The following TTBK2 variants were observed in gnomAD, a reference collection of about 807,000 sequenced individuals.
TTBK2 encodes the protein tau tubulin kinase 2.
In TTBK2, 28 loss-of-function variants were observed where a neutral mutation model predicts 110.8. The ratio of observed to expected loss-of-function variants is 0.25; its 90% confidence interval spans 0.19 to 0.35. The LOEUF is 0.35. TTBK2 is among the 10% of genes least tolerant of loss of function. The pLI is 1.00. For missense variants in TTBK2, 1,369 were observed against 1,500.3 expected, an observed-to-expected ratio of 0.91 and a Z score of 1.45; for synonymous variants, 532 against 527.3, an observed-to-expected ratio of 1.01 and a Z score of -0.12.
intron 4 of TTBK2, among the ~76,000 whole-genome samples, chr15:42,831,915 A>G (rs979567075): frequency 1.3e-5 from 2 of 152,214 alleles, no homozygotes; most frequent in African/African-American, 2.4e-5. Context: ...TCTAAAGACA[A>G]TTGATTCACT....
At chr15:42,807,829 A>G (rs906471330) in intron 9 of TTBK2, among the ~76,000 whole-genome samples, 1 of 152,164 alleles carries the variant, frequency 6.6e-6, no homozygotes, top group Non-Finnish European at 1.5e-5. Context: ...TATAATTCTG[A>G]TATCTTCACA....
chr15:42,882,124 A>C (rs1895073467), intron 1 of TTBK2, among the ~76,000 whole-genome samples: 1 of 152,086 alleles, frequency 6.6e-6, no homozygotes, highest in African/African-American at 2.4e-5. Flanking sequence ...GTAACAGTTT[A>C]GGACAGAAAA....
At chr15:42,805,412 C>G (rs1216665052) in intron 9 of TTBK2, among the ~76,000 whole-genome samples, 2 of 152,146 alleles carry the variant, frequency 1.3e-5, no homozygotes, top group East Asian at 3.9e-4. Context: ...TGCGGAGAAA[C>G]TGACATCTGA....
At chr15:42,750,050 C>T (rs1446312699) in intron 14 of TTBK2, among the ~76,000 whole-genome samples, 1 of 152,142 alleles carries the variant, frequency 6.6e-6, no homozygotes, top group East Asian at 1.9e-4. Flanking sequence ...TATTCCACTG[C>T]ACTCCAGCCT....
chr15:42,818,818 C>T (rs1338864586), intron 6 of TTBK2, among the ~76,000 whole-genome samples: 1 of 145,766 alleles, frequency 6.9e-6, no homozygotes, highest in Non-Finnish European at 1.5e-5. Flanking sequence ...AACGGAGTCT[C>T]GCTCTGTCAA....
At chr15:42,800,531 AACTC>A (rs1172883163) in intron 9 of TTBK2, among the ~76,000 whole-genome samples, 4 of 152,242 alleles carry the variant, frequency 2.6e-5, no homozygotes, top group Non-Finnish European at 4.4e-5. Flanking sequence ...TGATATTAAG[AACTC>A]ACTAAGAATC....
chr15:42,818,448 G>C (rs748837539), intron 6 of TTBK2, among the ~76,000 whole-genome samples: 11 of 152,124 alleles, frequency 7.2e-5, no homozygotes, highest in Non-Finnish European at 1.5e-4. Flanking sequence ...GGCCAGGCGT[G>C]GTGGCTCACG....
intron 14 of TTBK2, among the ~76,000 whole-genome samples, chr15:42,750,279 A>G (rs1276085024): frequency 6.6e-6 from 1 of 152,196 alleles, no homozygotes; most frequent in African/African-American, 2.4e-5. Flanking sequence ...GTACCTGAAA[A>G]AGACCTGATA....
intron 3 of TTBK2, among the ~76,000 whole-genome samples, chr15:42,856,427 G>A (rs951095467): frequency 2.0e-5 from 3 of 152,162 alleles, no homozygotes; most frequent in Non-Finnish European, 4.4e-5. Flanking sequence ...AACAAACTGT[G>A]ACATGGCAAC....
chr15:42,803,124 T>A (rs1302143122), intron 9 of TTBK2, among the ~76,000 whole-genome samples: 1 of 152,224 alleles, frequency 6.6e-6, no homozygotes, highest in Non-Finnish European at 1.5e-5. Context: ...CTCTATTCCA[T>A]TAGTTTTGTC....
chr15:42,809,486 T>C (rs146786198), intron 9 of TTBK2, among the ~76,000 whole-genome samples: 1 of 152,228 alleles, frequency 6.6e-6, no homozygotes. Context: ...AAGAAACTAT[T>C]AGCACTCAAG....
chr15:42,790,116 A>G (rs1179729057), intron 10 of TTBK2, among the ~76,000 whole-genome samples: 2 of 152,312 alleles, frequency 1.3e-5, no homozygotes, highest in African/African-American at 4.8e-5. Flanking sequence ...TTTACACAAT[A>G]CACAAAAATC....
intron 3 of TTBK2, among the ~76,000 whole-genome samples, chr15:42,850,298 G>A (rs185639487): frequency 4.0e-4 from 61 of 152,240 alleles, no homozygotes; most frequent in African/African-American, 8.2e-4. Context: ...GACTTCTCTC[G>A]ACGCATTTTC....
intron 1 of TTBK2, among the ~76,000 whole-genome samples, chr15:42,914,316 A>G (rs776562268): frequency 6.6e-6 from 1 of 152,118 alleles, no homozygotes; most frequent in African/African-American, 2.4e-5. Flanking sequence ...GGCCAGCCAC[A>G]GTATAATATA....
intron 10 of TTBK2, among the ~76,000 whole-genome samples, chr15:42,789,119 T>G (rs2140839582): frequency 6.6e-6 from 1 of 152,210 alleles, no homozygotes; most frequent in South Asian, 2.1e-4. Flanking sequence ...ATAAAGGTTA[T>G]TCCTTATGCT....
chr15:42,832,693 T>C (rs1340804801), intron 4 of TTBK2, among the ~76,000 whole-genome samples: 2 of 152,176 alleles, frequency 1.3e-5, no homozygotes, highest in Non-Finnish European at 1.5e-5. Flanking sequence ...TTACAGGCCA[T>C]TCTGAGTAGT....
chr15:42,759,716 A>C (rs2061997340), intron 13 of TTBK2, among the ~76,000 whole-genome samples: 1 of 152,202 alleles, frequency 6.6e-6, no homozygotes, highest in Non-Finnish European at 1.5e-5. Context: ...TCCACCTAGC[A>C]TCAAAGCAAA....
In TTBK2 at chr15:42,775,628, T is replaced by C; in HGVS notation, c.1505A>G (p.Asp502Gly). ...KPCVPAVSRT[D>G]HIWHYDEEYL... is the part of the protein sequence containing the mutation. ...TTCTTCATCATAGTGCCAGATGTGG[T>C]CAGTACGGGACACAGCAGGAACGCA... The change falls in exon 13 of 15, where the codon GAC becomes GGC. Residue 502 changes from aspartate (D) to glycine (G), a missense_variant. Asp to Gly is a moderately conservative substitution (Grantham distance 94, BLOSUM62 -1). Around this residue, in one of 4 missense-constraint regions of TTBK2, gnomAD observed 1,097 missense variants for 1,114.7 expected, o/e 0.98. Transcript: ENST00000267890. 1 of 1,613,908 alleles carries C rather than the reference T, an allele frequency of 6.2e-7. No homozygotes were observed. Among genetic ancestry groups the C allele is most frequent in the Non-Finnish European group, 8.5e-7 (1 of 1,179,870 alleles).
intron 3 of TTBK2, among the ~76,000 whole-genome samples, chr15:42,844,317 C>T (rs1893360313): frequency 6.6e-6 from 1 of 152,130 alleles, no homozygotes; most frequent in Non-Finnish European, 1.5e-5. Flanking sequence ...AATCCCAACA[C>T]TTTGGAAGGC....
Sources: allele counts gnomAD v4.1 joint callset (sites outside exome capture counted in the v4.1 genomes callset), GRCh38; gene constraint gnomAD v4.1.1; regional missense constraint gnomAD v4.1.1; transcripts MANE v1.5; gene names NCBI Gene and HGNC (gene_info 2026-07-23, HGNC 2026-07-21).